The following IL18R1 variants were observed in gnomAD, a reference collection of about 807,000 sequenced individuals.
IL18R1 encodes interleukin 18 receptor 1.
Under a neutral mutation model 48.5 loss-of-function variants are expected in IL18R1, and 40 were observed. That is an observed-to-expected ratio of 0.82 (90% confidence interval 0.64 to 1.07). The LOEUF is 1.07. Ranked by LOEUF, IL18R1 falls within the 50% of genes least tolerant of loss-of-function variation. The pLI, the probability that IL18R1 is intolerant of heterozygous loss-of-function variation, is 0.00. For missense variants in IL18R1, 596 were observed against 633.7 expected (o/e 0.94, Z 0.64); for synonymous variants, 232 against 225.9 (o/e 1.03, Z -0.24).
At chr2:102,380,738 C>G (rs1679872803) in intron 5 of IL18R1, among the ~76,000 whole-genome samples, 1 of 152,206 alleles carries the variant, frequency 6.6e-6, no homozygotes, top group Admixed American at 6.5e-5. Context: ...TCACTGTACT[C>G]CACTCAACCA....
intron 3 of IL18R1, 137 bp downstream of exon 3, chr2:102,368,205 C>A: frequency 3.1e-6 from 3 of 979,172 alleles, no homozygotes; most frequent in Non-Finnish European, 4.6e-6. Flanking sequence ...ACATGAAATA[C>A]ATTCTTTGTT....
At chr2:102,377,491 T>G (rs181171545) in intron 5 of IL18R1, among the ~76,000 whole-genome samples, 1 of 151,960 alleles carries the variant, frequency 6.6e-6, no homozygotes, top group Non-Finnish European at 1.5e-5. Flanking sequence ...ATTTTTATAT[T>G]TTTTTTAGTA....
intron 6 of IL18R1, among the ~76,000 whole-genome samples, chr2:102,382,006 C>T (rs932682240): frequency 6.6e-6 from 1 of 152,146 alleles, no homozygotes; most frequent in African/African-American, 2.4e-5. Context: ...GGCATGGTGG[C>T]TCACGCCTGT....
intron 10 of IL18R1, 100 bp downstream of exon 10, chr2:102,394,727 A>G: frequency 9.6e-7 from 1 of 1,038,956 alleles, no homozygotes; most frequent in Non-Finnish European, 1.4e-6. Context: ...CTTAAAAACA[A>G]ATGAATAAGG....
intron 7 of IL18R1, among the ~76,000 whole-genome samples, chr2:102,385,925 A>G (rs561062404): frequency 6.6e-6 from 1 of 152,366 alleles, no homozygotes; most frequent in Admixed American, 6.5e-5. Flanking sequence ...AGCTTAAGCT[A>G]CAAAAGCAGA....
At position 102,396,904 on chromosome 2, in the gene IL18R1, C is replaced by A. The variant is rs566560702; in HGVS notation, c.*18C>A. On this transcript the variant is annotated 3_prime_UTR_variant, in exon 11 of 11. Transcript: ENST00000233957. Reference sequence around the variant, plus strand: ...AGTCTTAATCTTCAGAAACAGTGAACGCCAAAAAGAACTCAAGATATTCTG... The same window carrying A: ...AGTCTTAATCTTCAGAAACAGTGAAAGCCAAAAAGAACTCAAGATATTCTG... 4.8e-6 allele frequency: 7 copies of A among 1,469,482 alleles called. No individual in the cohort carries two copies. Among genetic ancestry groups the A allele is most frequent in the Non-Finnish European group, 6.5e-6 (7 of 1,079,720 alleles). 91.0% of individuals were successfully genotyped at this position (1,469,482 alleles called of 1,614,324 possible).
At chr2:102,362,360 T>G (rs1335192913) in intron 1 of IL18R1, among the ~76,000 whole-genome samples, 2 of 152,178 alleles carry the variant, frequency 1.3e-5, no homozygotes, top group African/African-American at 4.8e-5. Context: ...GAAGCAGGAT[T>G]TAGTAGACCA....
At chr2:102,381,994 C>T (rs1573216189) in intron 6 of IL18R1, among the ~76,000 whole-genome samples, 1 of 152,058 alleles carries the variant, frequency 6.6e-6, no homozygotes, top group East Asian at 1.9e-4. Context: ...AAATTTAGGC[C>T]GGGCATGGTG....
chr2:102,386,961 G>T lies in IL18R1; in HGVS notation c.910G>T (p.Gly304Ter), dbSNP rs867196923. 2 of 1,613,826 alleles carry T rather than the reference G, an allele frequency of 1.2e-6. No homozygotes were observed. The highest frequency in any genetic ancestry group is 1.7e-6 in the Non-Finnish European group (2 of 1,179,864). ...VLYNCTVAST[G>*]GTDTKSFILV... ...ATATAATTGCACTGTGGCCAGCACGGGAGGCACAGACACCAAAAGCTTCAT... is the reference window on the plus strand; with the variant it reads ...ATATAATTGCACTGTGGCCAGCACGTGAGGCACAGACACCAAAAGCTTCAT... Residue 304 changes from glycine (G) to a stop codon, truncating the protein, a stop_gained, in exon 8 of 11, where the codon GGA becomes TGA. Transcript: ENST00000233957. LOFTEE classifies it high-confidence loss of function.
At chr2:102,369,273 C>T (rs1008215812) in intron 3 of IL18R1, among the ~76,000 whole-genome samples, 5 of 152,156 alleles carry the variant, frequency 3.3e-5, no homozygotes, top group East Asian at 1.9e-4. Context: ...TGAGAGAGCA[C>T]GTTGAGAGGA....
At chr2:102,388,374 G>C (rs1457893328) in intron 8 of IL18R1, among the ~76,000 whole-genome samples, 1 of 152,188 alleles carries the variant, frequency 6.6e-6, no homozygotes, top group East Asian at 1.9e-4. Context: ...GGCAGGTGAA[G>C]GTATTGAAAC....
intron 1 of IL18R1, among the ~76,000 whole-genome samples, chr2:102,358,842 GGATCA>G (rs371031593): frequency 6.6e-6 from 1 of 152,258 alleles, no homozygotes; most frequent in East Asian, 1.9e-4. Context: ...ATGTGCCAAT[GGATCA>G]GATGATCACC....
Position 102,372,125 on chromosome 2 carries a change from C to T in IL18R1, c.468+7C>T. ...CAGCACATCATTGTATAAGGTAATGCTTTTATAATATTTTAACTTTAAGAC... is the reference window on the plus strand; with the variant it reads ...CAGCACATCATTGTATAAGGTAATGTTTTTATAATATTTTAACTTTAAGAC... On this transcript the variant is annotated splice_region_variant and intron_variant, in intron 4 of 10. Coordinates refer to ENST00000233957, the MANE Select transcript of IL18R1 (RefSeq NM_003855.5). 1 of 1,562,660 alleles carries T rather than the reference C, an allele frequency of 6.4e-7. No individual in the cohort carries two copies. Among genetic ancestry groups the T allele is most frequent in the Admixed American group, 2.2e-5 (1 of 45,770 alleles).
intron 5 of IL18R1, 63 bp from the exon 6 acceptor site, chr2:102,381,557 T>C: frequency 3.5e-6 from 4 of 1,147,856 alleles, no homozygotes; most frequent in South Asian, 1.2e-5. Context: ...TTATCATAGA[T>C]GCTTGTCATA....
chr2:102,379,241 C>A (rs561456021), intron 5 of IL18R1, among the ~76,000 whole-genome samples: 1 of 151,964 alleles, frequency 6.6e-6, no homozygotes, highest in Non-Finnish European at 1.5e-5. Flanking sequence ...GCCAGGAGTT[C>A]GGGACAGGCC....
chr2:102,370,964 G>A (rs1357374509), intron 3 of IL18R1, among the ~76,000 whole-genome samples: 1 of 152,132 alleles, frequency 6.6e-6, no homozygotes, highest in Non-Finnish European at 1.5e-5. Flanking sequence ...TGCAGTGGAA[G>A]CAAACATGAA....
rs772227122 is a variant in IL18R1, at chr2:102,362,734, T to C, written c.58+16T>C. The C allele has an allele frequency of 5.9e-5, 87 of 1,485,188 alleles. No homozygotes were observed. The highest frequency in any genetic ancestry group is 8.1e-5 in the Non-Finnish European group (87 of 1,076,356). The allele number at this position is 1,485,188 out of a possible 1,614,324, so 92.0% of individuals were successfully genotyped here. On this transcript the variant is annotated intron_variant, in intron 2 of 10. Transcript: ENST00000233957. ...AGCACTGCAGGTAAGTGATTATACA[T>C]ACTCTCAAACATATTTCATGAGTAA...
At chr2:102,381,724 G>T in intron 6 of IL18R1, 42 bp downstream of exon 6, 1 of 1,295,236 alleles carries the variant, frequency 7.7e-7, no homozygotes, top group South Asian at 1.2e-5. Context: ...ATAAGTAGGG[G>T]ACATAATAGA....
intron 6 of IL18R1, among the ~76,000 whole-genome samples, chr2:102,382,697 C>CGAAG (rs1356584709): frequency 6.6e-6 from 1 of 152,120 alleles, no homozygotes; most frequent in Non-Finnish European, 1.5e-5. Context: ...GACTTTGCTT[C>CGAAG]CAAAGTCCCC....
Sources: gnomAD v4.1 joint callset for allele counts (sites outside exome capture counted in the v4.1 genomes callset) on GRCh38, gnomAD v4.1.1 for gene constraint, MANE v1.5 for transcripts, NCBI Gene and HGNC (gene_info 2026-07-23, HGNC 2026-07-21) for gene names.